Variants in C11orf52 observed in about 807,000 individuals in gnomAD.
C11orf52 encodes the protein uncharacterized protein C11orf52.
C11orf52 carries 9 observed loss-of-function variants against 11.7 expected under a neutral mutation model. The ratio of observed to expected loss-of-function variants is 0.77; its 90% CI spans 0.46 to 1.34. The LOEUF (loss-of-function observed/expected upper bound fraction) is 1.34. Among genes scored for constraint, C11orf52 ranks in the 40% most tolerant of loss-of-function variants. C11orf52 has a pLI of 0.00. For synonymous variants in C11orf52, 49 were observed against 57.4 expected (o/e 0.85, Z 0.66); for missense variants, 139 against 154.8 (o/e 0.90, Z 0.54).
At chr11:111,922,807 C>T (rs1592519534) in intron 1 of C11orf52, among the ~76,000 whole-genome samples, 1 of 152,168 alleles carries the variant, frequency 6.6e-6, no homozygotes, top group Admixed American at 6.5e-5. Flanking sequence ...GGAATTGCTA[C>T]ATCAGAGGGT....
In C11orf52 at chr11:111,918,938, T is replaced by C; in HGVS notation, c.-35T>C. The C allele has an allele frequency of 1.9e-6, 3 of 1,613,932 alleles. No individual in the cohort carries two copies. Among genetic ancestry groups the C allele is most frequent in the Non-Finnish European group, 2.5e-6 (3 of 1,179,938 alleles). ...GGAAATGCACAAGCCTCTTGATGCATAAAAACAGCTGGGCTCCCTTGGAGA... is the reference window on the plus strand; with the variant it reads ...GGAAATGCACAAGCCTCTTGATGCACAAAAACAGCTGGGCTCCCTTGGAGA... On this transcript the variant is annotated 5_prime_UTR_variant, in exon 1 of 4. An upstream open reading frame in the 5' UTR loses its in-frame stop. Coordinates refer to ENST00000278601, the MANE Select transcript of C11orf52 (RefSeq NM_080659.3).
chr11:111,925,584 T>C (rs2137405807), intron 2 of C11orf52, 69 bp from the exon 3 acceptor site: 1 of 1,491,070 alleles, frequency 6.7e-7, no homozygotes, highest in Non-Finnish European at 9.3e-7. Flanking sequence ...TTAATAGTGA[T>C]TTGAAGAAGG....
chr11:111,925,264 C>T (rs1349824112), intron 2 of C11orf52, among the ~76,000 whole-genome samples: 1 of 151,870 alleles, frequency 6.6e-6, no homozygotes, highest in African/African-American at 2.4e-5. Context: ...CACTTCCCAC[C>T]TTGCATTGTA....
In C11orf52 at chr11:111,925,983, G is replaced by C. The variant is rs370321292; in HGVS notation, c.156G>C (p.Thr52=). 2.4e-5 allele frequency: 38 copies of C among 1,614,072 alleles called. No individual in the cohort carries two copies. Among genetic ancestry groups the C allele is most frequent in the Non-Finnish European group, 3.1e-5 (36 of 1,180,010 alleles). ...AGGGCCATGAAACAACAGGACATAC[G>C]TATGAACGGGTGTTACAGCAGCAAG... ...LPKGHETTGH[T]YERVLQQQGS... is the part of the protein sequence containing the mutation. The change falls in exon 4 of 4, where the codon ACG becomes ACC. Residue 52 remains threonine (T), a synonymous_variant. Coordinates refer to ENST00000278601, the MANE Select transcript of C11orf52 (RefSeq NM_080659.3).
intron 1 of C11orf52, among the ~76,000 whole-genome samples, chr11:111,920,567 C>A (rs1555166475): frequency 6.6e-6 from 1 of 151,736 alleles, no homozygotes; most frequent in Non-Finnish European, 1.5e-5. Flanking sequence ...AGTTTGAGAC[C>A]AGCCTGGGCA....
At position 111,926,408 on chromosome 11, in the gene C11orf52, T is replaced by G; in HGVS notation, c.*209T>G. Reference sequence around the variant, plus strand: ...TTGGAGTTAATAGTTGGTTTAGCTATGGGTGGATAGCTAAACTTAGCTATC... The same window carrying G: ...TTGGAGTTAATAGTTGGTTTAGCTAGGGGTGGATAGCTAAACTTAGCTATC... On this transcript the variant is annotated 3_prime_UTR_variant, in exon 4 of 4. Transcript: ENST00000278601. 1.4e-6 allele frequency: 1 copy of G among 707,772 alleles called. No individual in the cohort carries two copies. Among genetic ancestry groups the G allele is most frequent in the Non-Finnish European group, 2.3e-6 (1 of 437,860 alleles). 43.8% of individuals were successfully genotyped at this position (707,772 alleles called of 1,614,324 possible).
intron 1 of C11orf52, among the ~76,000 whole-genome samples, chr11:111,920,055 C>A (rs781795382): frequency 6.6e-6 from 1 of 151,820 alleles, no homozygotes; most frequent in Non-Finnish European, 1.5e-5. Context: ...ATTAGCCGGG[C>A]GTGGTGGTGG....
chr11:111,922,433 A>G (rs1203253390), intron 1 of C11orf52, among the ~76,000 whole-genome samples: 2 of 152,246 alleles, frequency 1.3e-5, no homozygotes, highest in Admixed American at 1.3e-4. Context: ...TACAAAGGTA[A>G]TAATCATTCA....
intron 1 of C11orf52, among the ~76,000 whole-genome samples, chr11:111,920,258 G>A (rs908922930): frequency 3.3e-5 from 5 of 151,764 alleles, no homozygotes; most frequent in East Asian, 1.9e-4. Context: ...AGAAGTGGTC[G>A]GATGCAGTGA....
chr11:111,925,845 C>A, intron 3 of C11orf52, 115 bp from the exon 4 acceptor site: 1 of 1,569,734 alleles, frequency 6.4e-7, no homozygotes. Flanking sequence ...CCTCCTCTGT[C>A]TGTCCTTTGC....
intron 1 of C11orf52, among the ~76,000 whole-genome samples, chr11:111,922,773 A>G (rs2137401811): frequency 6.6e-6 from 1 of 152,308 alleles, no homozygotes. Context: ...ATATTTGTAC[A>G]TGTATAATTA....
At chr11:111,925,243 G>A (rs781904360) in intron 2 of C11orf52, among the ~76,000 whole-genome samples, 2 of 151,796 alleles carry the variant, frequency 1.3e-5, no homozygotes, top group African/African-American at 2.4e-5. Context: ...TGGCTGATTG[G>A]TATAGCTGAG....
In C11orf52 at chr11:111,926,052, C is replaced by T. The variant is rs1555166941; in HGVS notation, c.225C>T (p.Asn75=). 6.2e-7 allele frequency: 1 copy of T among 1,614,240 alleles called. No individual in the cohort carries two copies. ...RSPGLMSEDS[N]LHYADIQVCS... is the part of the protein sequence containing the mutation. ...CAGGCCTCATGTCGGAAGACAGCAA[C>T]TTACATTATGCTGACATTCAAGTGT... The change falls in exon 4 of 4, where the codon AAC becomes AAT. Residue 75 remains asparagine, a synonymous_variant. Coordinates refer to ENST00000278601, the MANE Select transcript of C11orf52 (RefSeq NM_080659.3).
At chr11:111,919,270 C>G (rs587760462) in intron 1 of C11orf52, 36 of 465,986 alleles carry the variant, frequency 7.7e-5, no homozygotes, top group African/African-American at 5.5e-4. Context: ...GTCAGTAGAT[C>G]GAGACCATCC....
At chr11:111,923,370 T>C (rs587638764) in intron 1 of C11orf52, among the ~76,000 whole-genome samples, 16 of 152,322 alleles carry the variant, frequency 1.1e-4, no homozygotes, top group African/African-American at 3.8e-4. Flanking sequence ...CCTGACTTTT[T>C]CCCCACAGTA....
intron 1 of C11orf52, chr11:111,923,639 G>A (rs1479950819): frequency 6.6e-6 from 1 of 152,236 alleles, no homozygotes; most frequent in African/African-American, 2.4e-5. Flanking sequence ...GGGGACCCCA[G>A]GGGCTCAGAA....
intron 1 of C11orf52, among the ~76,000 whole-genome samples, chr11:111,919,925 G>T (rs1315075913): frequency 6.6e-6 from 1 of 152,298 alleles, no homozygotes; most frequent in East Asian, 1.9e-4. Flanking sequence ...GCCAGGCGTG[G>T]TGGCTCACGC....
At chr11:111,920,499 C>T (rs1555166460) in intron 1 of C11orf52, among the ~76,000 whole-genome samples, 6 of 151,960 alleles carry the variant, frequency 3.9e-5, no homozygotes. Flanking sequence ...GATTGCGCCA[C>T]TGCAGTCCAG....
intron 1 of C11orf52, among the ~76,000 whole-genome samples, chr11:111,919,594 C>A (rs1382389874): frequency 6.6e-6 from 1 of 152,154 alleles, no homozygotes; most frequent in Non-Finnish European, 1.5e-5. Flanking sequence ...CCTTCTTTCC[C>A]TTTCTTCCTG....
Sources: allele counts gnomAD v4.1 joint callset (sites outside exome capture counted in the v4.1 genomes callset), GRCh38; gene constraint gnomAD v4.1.1; transcripts MANE v1.5; gene names NCBI Gene and HGNC (gene_info 2026-07-23, HGNC 2026-07-21).